Variants in MCF2L2 observed in about 807,000 individuals in gnomAD.
The protein encoded by MCF2L2 is probable guanine nucleotide exchange factor MCF2L2.
In MCF2L2, 102 loss-of-function variants were observed where a neutral mutation model predicts 150.2. That is an observed-to-expected ratio of 0.68 (90% CI 0.58 to 0.80). The LOEUF is 0.80. Ranked by LOEUF, MCF2L2 falls within the 30% of genes least tolerant of loss-of-function variation. The pLI is 0.00. For synonymous variants in MCF2L2, 465 were observed against 491.3 expected, an observed-to-expected ratio of 0.95 and a Z score of 0.71; for missense variants, 1,256 against 1,372.8, an observed-to-expected ratio of 0.91 and a Z score of 1.34.
intron 25 of MCF2L2, among the ~76,000 whole-genome samples, chr3:183,200,206 C>T (rs1253551566): frequency 6.6e-6 from 1 of 152,216 alleles, no homozygotes. Context: ...GCCACACTGT[C>T]TTCCACAATG....
At chr3:183,410,726 A>G (rs1715279845) in intron 1 of MCF2L2, among the ~76,000 whole-genome samples, 1 of 152,180 alleles carries the variant, frequency 6.6e-6, no homozygotes, top group Admixed American at 6.5e-5. Flanking sequence ...TAAAAGTTGA[A>G]AGCATAATGC....
chr3:183,253,698 G>A (rs1285264818), intron 15 of MCF2L2: 1 of 152,362 alleles, frequency 6.6e-6, no homozygotes, highest in Non-Finnish European at 1.5e-5. Context: ...CCTAATCCGC[G>A]GCGCTGCGGA....
intron 1 of MCF2L2, among the ~76,000 whole-genome samples, chr3:183,401,617 C>T (rs1478020431): frequency 6.6e-6 from 1 of 152,210 alleles, no homozygotes; most frequent in African/African-American, 2.4e-5. Context: ...GGTTCCCAGG[C>T]AACCACCACT....
At chr3:183,272,912 G>A in intron 15 of MCF2L2, 1 of 1,346,694 alleles carries the variant, frequency 7.4e-7, no homozygotes, top group Non-Finnish European at 9.6e-7. Context: ...TGCTGAAAGA[G>A]CTCTTCTGAA....
chr3:183,345,542 T>C (rs2108546081), intron 3 of MCF2L2, among the ~76,000 whole-genome samples: 1 of 152,280 alleles, frequency 6.6e-6, no homozygotes, highest in Admixed American at 6.5e-5. Flanking sequence ...ATTCAAAAGT[T>C]AGCAGAAGAC....
chr3:183,269,793 G>A, intron 15 of MCF2L2: 3 of 1,594,424 alleles, frequency 1.9e-6, no homozygotes, highest in South Asian at 1.2e-5. Context: ...ACAGACTTGA[G>A]TGGATATGAG....
chr3:183,215,763 G>A (rs912781583), intron 22 of MCF2L2, among the ~76,000 whole-genome samples: 2 of 152,176 alleles, frequency 1.3e-5, no homozygotes, highest in African/African-American at 4.8e-5. Context: ...TCAGAACCCT[G>A]AGGAATAAAT....
intron 21 of MCF2L2, among the ~76,000 whole-genome samples, chr3:183,217,386 T>A (rs1722985581): frequency 6.7e-6 from 1 of 150,262 alleles, no homozygotes; most frequent in Non-Finnish European, 1.5e-5. Context: ...GCAGGAGGAT[T>A]GCTTGAACAC....
At chr3:183,411,796 G>T (rs1400860922) in intron 1 of MCF2L2, among the ~76,000 whole-genome samples, 1 of 152,108 alleles carries the variant, frequency 6.6e-6, no homozygotes, top group Non-Finnish European at 1.5e-5. Context: ...ATTTTATCAA[G>T]CTGAGCATCC....
intron 26 of MCF2L2, among the ~76,000 whole-genome samples, chr3:183,193,543 G>T (rs1721979860): frequency 6.6e-6 from 1 of 152,136 alleles, no homozygotes; most frequent in East Asian, 1.9e-4. Flanking sequence ...TAGAGACGAG[G>T]TTTCACCATG....
chr3:183,317,953 C>G, intron 7 of MCF2L2, 115 bp downstream of exon 7: 1 of 1,325,190 alleles, frequency 7.5e-7, no homozygotes, highest in Non-Finnish European at 1.0e-6. Flanking sequence ...TTCCAAGTCA[C>G]TAAAGAAGAA....
At chr3:183,363,376 T>C (rs770713948) in intron 3 of MCF2L2, among the ~76,000 whole-genome samples, 1 of 152,244 alleles carries the variant, frequency 6.6e-6, no homozygotes, top group Non-Finnish European at 1.5e-5. Flanking sequence ...CAGATGTTTA[T>C]AGAAGCTTTA....
chr3:183,363,304 T>G (rs1196008057), intron 3 of MCF2L2, among the ~76,000 whole-genome samples: 1 of 152,188 alleles, frequency 6.6e-6, no homozygotes, highest in African/African-American at 2.4e-5. Flanking sequence ...GATCCATTAA[T>G]TTTGCTCTTT....
At chr3:183,261,302 C>T (rs140040758) in intron 15 of MCF2L2, among the ~76,000 whole-genome samples, 1 of 152,178 alleles carries the variant, frequency 6.6e-6, no homozygotes, top group African/African-American at 2.4e-5. Context: ...CCTAGCTATA[C>T]TTAACAGGAA....
intron 14 of MCF2L2, among the ~76,000 whole-genome samples, chr3:183,278,222 ATTGT>A (rs761793103): frequency 1.3e-4 from 19 of 149,884 alleles, no homozygotes; most frequent in South Asian, 8.3e-4. Context: ...TTTTTATTAT[ATTGT>A]TTATTAAACA....
chr3:183,190,866 A>C (rs985401055), intron 27 of MCF2L2, among the ~76,000 whole-genome samples: 1 of 152,152 alleles, frequency 6.6e-6, no homozygotes, highest in Non-Finnish European at 1.5e-5. Flanking sequence ...TTTATTTTAA[A>C]AACTTTTTTA....
intron 25 of MCF2L2, among the ~76,000 whole-genome samples, chr3:183,198,939 A>G (rs1373735420): frequency 6.6e-6 from 1 of 152,198 alleles, no homozygotes; most frequent in East Asian, 1.9e-4. Flanking sequence ...TATTTAACAT[A>G]ATATTAATAG....
At chr3:183,422,374 C>T (rs1011833709) in intron 1 of MCF2L2, among the ~76,000 whole-genome samples, 6 of 152,192 alleles carry the variant, frequency 3.9e-5, no homozygotes, top group African/African-American at 9.6e-5. Context: ...TCTCTACTTC[C>T]AGGCAAAATC....
chr3:183,182,029 G>A (rs748966782), intron 27 of MCF2L2, among the ~76,000 whole-genome samples: 2 of 152,024 alleles, frequency 1.3e-5, no homozygotes, highest in Non-Finnish European at 2.9e-5. Context: ...CCCTGCTCTC[G>A]CGGGCCCTGC....
Sources: allele counts gnomAD v4.1 joint callset (sites outside exome capture counted in the v4.1 genomes callset), GRCh38; gene constraint gnomAD v4.1.1; transcripts MANE v1.5; gene names NCBI Gene and HGNC (gene_info 2026-07-23, HGNC 2026-07-21).